The following ERAP1 variants were observed in gnomAD, a reference collection of about 807,000 sequenced individuals.
ERAP1 encodes the protein endoplasmic reticulum aminopeptidase 1.
ERAP1 carries 86 observed loss-of-function variants against 103.7 expected under a neutral mutation model. The observed-to-expected ratio is 0.83, with a 90% CI of 0.70 to 0.99. The LOEUF (loss-of-function observed/expected upper bound fraction) is 0.99, where lower values mean the gene tolerates loss of function less well. Ranked by LOEUF, ERAP1 falls within the 50% of genes least tolerant of loss-of-function variation. ERAP1 has a pLI of 0.00. For synonymous variants in ERAP1, 398 were observed against 402.4 expected (o/e 0.99, Z 0.13); for missense variants, 1,009 against 1,128.4 (o/e 0.89, Z 1.52).
At chr5:96,895,127 C>A in the ERAP1 span, 3 of 605,434 alleles carry the variant, frequency 5.0e-6, no homozygotes, top group African/African-American at 1.9e-5. Flanking sequence ...AAAAGGGTAG[C>A]AAAGAGAGAA....
At chr5:96,861,934 C>A in the ERAP1 span, among the ~76,000 whole-genome samples, 153 of 152,200 alleles carry the variant, frequency 1.0e-3, no homozygotes, top group Admixed American at 1.8e-3. Context: ...TAAAGCATCC[C>A]ATTCTAAAAA....
chr5:96,865,694 C>A, the ERAP1 span, among the ~76,000 whole-genome samples: 21 of 152,100 alleles, frequency 1.4e-4, no homozygotes, highest in African/African-American at 4.8e-4. Context: ...TATGCCATAC[C>A]AGTACTGTAT....
chr5:96,781,269 A>G, intron 16 of ERAP1, 71 bp from the exon 17 acceptor site: 2 of 1,502,700 alleles, frequency 1.3e-6, no homozygotes, highest in Non-Finnish European at 1.8e-6. Flanking sequence ...CTGCAATAAA[A>G]TTACTTGTAA....
upstream of ERAP1, among the ~76,000 whole-genome samples, chr5:96,811,661 T>C (rs1779166619): frequency 6.6e-6 from 1 of 152,210 alleles, no homozygotes; most frequent in African/African-American, 2.4e-5. Context: ...TGTATTACCA[T>C]ACAACAGAGC....
chr5:96,866,948 GT>G, the ERAP1 span, among the ~76,000 whole-genome samples: 3 of 151,724 alleles, frequency 2.0e-5, no homozygotes, highest in African/African-American at 7.3e-5. Flanking sequence ...ACCTAGCTTT[GT>G]GCTTATTTCC....
chr5:96,882,564 A>G, the ERAP1 span, among the ~76,000 whole-genome samples: 3 of 152,222 alleles, frequency 2.0e-5, no homozygotes, highest in African/African-American at 7.2e-5. Context: ...TTCTTTTGAG[A>G]TGCAGAAGGT....
the ERAP1 span, among the ~76,000 whole-genome samples, chr5:96,930,221 A>G: frequency 1.3e-5 from 2 of 152,134 alleles, no homozygotes; most frequent in Non-Finnish European, 2.9e-5. Context: ...TTTTTGCCTG[A>G]TAAGAGATCA....
chr5:96,825,673 T>C, the ERAP1 span, among the ~76,000 whole-genome samples: 1 of 152,232 alleles, frequency 6.6e-6, no homozygotes. Flanking sequence ...TTAAACACTT[T>C]CAATAGTTCA....
chr5:96,867,166 C>T, the ERAP1 span, among the ~76,000 whole-genome samples: 1 of 151,826 alleles, frequency 6.6e-6, no homozygotes, highest in East Asian at 1.9e-4. Flanking sequence ...GCCACCATGC[C>T]CAGCTAATTT....
At chr5:96,808,239 T>C (rs903707274), upstream of ERAP1, 3 of 688,902 alleles carry the variant, frequency 4.4e-6, no homozygotes, top group Non-Finnish European at 5.3e-6. Context: ...TGTGTGTGTG[T>C]GTGTGTGTGT....
Position 96,774,638 on chromosome 5 carries a change from A to AATC in ERAP1, c.*1755_*1757dup. The AATC allele has an allele frequency of 1.0e-6, 1 of 985,272 alleles. No individual in the cohort carries two copies. The highest frequency in any genetic ancestry group is 1.2e-6 in the Non-Finnish European group (1 of 829,656). 61.0% of individuals were successfully genotyped at this position (985,272 alleles called of 1,614,324 possible). On this transcript the variant is annotated 3_prime_UTR_variant, in exon 19 of 19. Coordinates refer to ENST00000443439, the MANE Select transcript of ERAP1 (RefSeq NM_001040458.3). ...AAAATCAATATTTCCATGTTTCATT[A>AATC]ATCAAGGCATAAAATACAATTAAAG...
At chr5:96,814,933 G>A in the ERAP1 span, among the ~76,000 whole-genome samples, 9 of 152,208 alleles carry the variant, frequency 5.9e-5, no homozygotes, top group Non-Finnish European at 1.2e-4. Flanking sequence ...AAGCACTACA[G>A]ATGTAGCTGA....
intron 4 of ERAP1, among the ~76,000 whole-genome samples, chr5:96,795,654 A>G (rs934433522): frequency 2.6e-5 from 4 of 152,264 alleles, no homozygotes; most frequent in Non-Finnish European, 4.4e-5. Context: ...CCTTTAATGT[A>G]AAGGTAAACT....
intron 19 of ERAP1, chr5:96,768,531 ATTATAC>A (rs1770905457): frequency 2.7e-6 from 1 of 373,790 alleles, no homozygotes; most frequent in Admixed American, 3.7e-5. Context: ...ATTTTACATA[ATTATAC>A]TTACAGTCCA....
At chr5:96,764,934 C>G (rs533614331) in intron 19 of ERAP1, among the ~76,000 whole-genome samples, 44 of 152,262 alleles carry the variant, frequency 2.9e-4, no homozygotes, top group Non-Finnish European at 5.4e-4. Flanking sequence ...GAGGCTGCCA[C>G]TAAGACCTCC....
chr5:96,773,275 G>A (rs1343409444), downstream of ERAP1: 2 of 153,380 alleles, frequency 1.3e-5, no homozygotes, highest in African/African-American at 4.8e-5. Flanking sequence ...CAGGTGTGAG[G>A]ACTTCTGCAT....
the ERAP1 span, among the ~76,000 whole-genome samples, chr5:96,931,353 T>TGCTGTGGG: frequency 2.6e-5 from 4 of 152,020 alleles, 1 homozygote; most frequent in Admixed American, 2.6e-4. Flanking sequence ...AATGAGGTCT[T>TGCTGTGGG]GCTGTGGGGT....
At chr5:96,829,586 G>A in the ERAP1 span, among the ~76,000 whole-genome samples, 1 of 152,100 alleles carries the variant, frequency 6.6e-6, no homozygotes, top group African/African-American at 2.4e-5. Flanking sequence ...AAAATTCCTA[G>A]GCTAACATAA....
chr5:96,887,100 TACACACACAC>T, the ERAP1 span, among the ~76,000 whole-genome samples: 3 of 137,452 alleles, frequency 2.2e-5, no homozygotes, highest in East Asian at 2.0e-4. Context: ...TATATATATA[TACACACACAC>T]ACACACACAC....
Sources: gnomAD v4.1 joint callset for allele counts (sites outside exome capture counted in the v4.1 genomes callset) on GRCh38, gnomAD v4.1.1 for gene constraint, MANE v1.5 for transcripts, NCBI Gene and HGNC (gene_info 2026-07-23, HGNC 2026-07-21) for gene names.